The following MBOAT2 variants were observed in gnomAD, a reference collection of about 807,000 sequenced individuals.
MBOAT2 encodes membrane-bound glycerophospholipid O-acyltransferase 2.
MBOAT2 carries 28 observed loss-of-function variants against 63.4 expected under a neutral mutation model. The observed-to-expected ratio is 0.44, with a 90% CI of 0.33 to 0.61. MBOAT2 has a LOEUF of 0.61. Among genes scored for constraint, MBOAT2 ranks in the 20% least tolerant of loss-of-function variants. The probability of loss-of-function intolerance (pLI) is 0.03; values close to 1 mark genes in which losing one functional copy is unlikely to be tolerated. For missense variants in MBOAT2, 470 were observed against 605.8 expected (o/e 0.78, Z 2.35); for synonymous variants, 211 against 215.6 (o/e 0.98, Z 0.19).
intron 12 of MBOAT2, among the ~76,000 whole-genome samples, 160 bp downstream of exon 12, chr2:8,860,453 G>A (rs1327830614): frequency 1.3e-5 from 2 of 152,164 alleles, no homozygotes; most frequent in Non-Finnish European, 2.9e-5. Context: ...ACAGAGAAAC[G>A]CTGAGACTTG....
chr2:9,003,594 C>T lies in MBOAT2; in HGVS notation c.21G>A (p.Thr7=). ...TGAGGGGCTGCAGCAGGGTGGAGCCCGTGGTGCTGGTGGTGGCCATGGCCG... is the reference window on the plus strand; with the variant it reads ...TGAGGGGCTGCAGCAGGGTGGAGCCTGTGGTGCTGGTGGTGGCCATGGCCG... MATTST[T]GSTLLQPLSN... The change falls in exon 1 of 13, where the codon ACG becomes ACA. Residue 7 remains threonine, a synonymous_variant. Transcript: ENST00000305997. This position sits in a 1 kb window ranked among gnomAD's most constrained non-coding sequence, Gnocchi z 5.4. 2 of 1,220,012 alleles carry T rather than the reference C, an allele frequency of 1.6e-6. No homozygotes were observed. The highest frequency in any genetic ancestry group is 3.8e-5 in the East Asian group (1 of 26,224). 75.6% of individuals were successfully genotyped at this position (1,220,012 alleles called of 1,614,324 possible).
chr2:8,987,467 T>A (rs1465869382), intron 1 of MBOAT2, among the ~76,000 whole-genome samples: 3 of 152,224 alleles, frequency 2.0e-5, no homozygotes, highest in Non-Finnish European at 1.5e-5. Flanking sequence ...TAAAATTTTT[T>A]AAAAATATAT....
At chr2:8,978,735 C>A (rs552630437) in intron 1 of MBOAT2, among the ~76,000 whole-genome samples, 1 of 151,982 alleles carries the variant, frequency 6.6e-6, no homozygotes, top group South Asian at 2.1e-4. Flanking sequence ...ACCTAAATGA[C>A]GGGTTGACAG....
intron 1 of MBOAT2, among the ~76,000 whole-genome samples, chr2:8,995,813 G>T (rs538720285): frequency 6.6e-6 from 1 of 152,106 alleles, no homozygotes. Context: ...GAATGGTCTC[G>T]ATCTCCTGAC....
intron 2 of MBOAT2, among the ~76,000 whole-genome samples, chr2:8,944,063 C>T (rs1419554280): frequency 6.6e-6 from 1 of 152,280 alleles, no homozygotes; most frequent in East Asian, 1.9e-4. Flanking sequence ...CAGGGTTTCA[C>T]TATGTTGGCC....
intron 6 of MBOAT2, 38 bp from the exon 7 acceptor site, chr2:8,877,251 T>G: frequency 6.3e-7 from 1 of 1,576,444 alleles, no homozygotes; most frequent in Non-Finnish European, 8.6e-7. Context: ...AGATGCAGCA[T>G]AAGCTTCAGA....
chr2:8,892,071 A>AG (rs542968032), intron 4 of MBOAT2, among the ~76,000 whole-genome samples: 2 of 152,200 alleles, frequency 1.3e-5, no homozygotes, highest in Non-Finnish European at 2.9e-5. Flanking sequence ...CAAGAATAGT[A>AG]GGATTTGGTT....
Position 8,994,988 on chromosome 2 carries a change from T to A in MBOAT2, c.75+8552A>T, listed in dbSNP as rs113786514. 5.0e-3 allele frequency among the ~76,000 whole-genome samples: 757 copies of A among 152,338 alleles called. 9 individuals carry two copies. Among genetic ancestry groups the A allele is most frequent in the South Asian group, 0.02 (97 of 4,830 alleles). On this transcript the variant is annotated intron_variant, in intron 1 of 12. Transcript: ENST00000305997. ...AGGATTTAAATTCCAGCTCGCCACATACGTTGCTCTAAGCAATTTACTCGG... is the reference window on the plus strand; with the variant it reads ...AGGATTTAAATTCCAGCTCGCCACAAACGTTGCTCTAAGCAATTTACTCGG...
At chr2:8,950,949 T>C (rs1449796387) in intron 2 of MBOAT2, among the ~76,000 whole-genome samples, 4 of 152,228 alleles carry the variant, frequency 2.6e-5, no homozygotes, top group African/African-American at 9.6e-5. Flanking sequence ...TTGATTTGTA[T>C]ATGTTGAACC....
At chr2:8,968,688 C>T (rs1670200246) in intron 1 of MBOAT2, among the ~76,000 whole-genome samples, 1 of 152,106 alleles carries the variant, frequency 6.6e-6, no homozygotes, top group East Asian at 1.9e-4. Context: ...CCTTAAATGA[C>T]CTGATGTAGC....
chr2:8,995,798 A>G (rs556642498), intron 1 of MBOAT2, among the ~76,000 whole-genome samples: 10 of 152,214 alleles, frequency 6.6e-5, no homozygotes, highest in Non-Finnish European at 1.5e-4. Context: ...TCACCGTGTT[A>G]GCCAGAATGG....
chr2:8,967,614 A>G (rs1558665362), intron 1 of MBOAT2, among the ~76,000 whole-genome samples: 1 of 152,242 alleles, frequency 6.6e-6, no homozygotes, highest in African/African-American at 2.4e-5. Flanking sequence ...TAAACATGTG[A>G]GATAGCCAGA....
chr2:8,983,932 C>G (rs1302446052), intron 1 of MBOAT2, among the ~76,000 whole-genome samples: 1 of 152,106 alleles, frequency 6.6e-6, no homozygotes, highest in Non-Finnish European at 1.5e-5. Flanking sequence ...TACAATCAAT[C>G]TCAGCATACA....
chr2:8,858,966 C>T (rs1661306260), intron 12 of MBOAT2, 62 bp from the exon 13 acceptor site: 2 of 1,235,056 alleles, frequency 1.6e-6, no homozygotes, highest in Admixed American at 4.2e-5. Flanking sequence ...AATAACTGCA[C>T]ACTTGTCAAA....
Position 8,853,056 on chromosome 2 carries a change from T to C in MBOAT2, c.*5623A>G, listed in dbSNP as rs1019387366. On this transcript the variant is annotated 3_prime_UTR_variant, in exon 13 of 13. Transcript: ENST00000305997. Reference sequence around the variant, plus strand: ...GCTGCTGGAGTTGGGTCTCTCCTCATGTTTGGGCGACTGAGGGCTCAACTA... The same window carrying C: ...GCTGCTGGAGTTGGGTCTCTCCTCACGTTTGGGCGACTGAGGGCTCAACTA... 6.6e-6 allele frequency: 1 copy of C among 152,228 alleles called. No individual in the cohort carries two copies. The highest frequency in any genetic ancestry group is 2.4e-5 in the African/African-American group (1 of 41,458). 9.4% of individuals were successfully genotyped at this position (152,228 alleles called of 1,614,324 possible). A position where few individuals can be genotyped will look rare whatever the true frequency, so the allele number is the denominator to read the frequency against.
In MBOAT2 at chr2:8,877,577, C is replaced by T. The variant is rs138598443; in HGVS notation, c.507-364G>A. On this transcript the variant is annotated intron_variant, in intron 6 of 12. Transcript: ENST00000305997. Reference sequence around the variant, plus strand: ...CCCCACCTGCTGCAGGGCCTGGATACGGCAGTAAACAAAGGAGAGGACAAT... The same window carrying T: ...CCCCACCTGCTGCAGGGCCTGGATATGGCAGTAAACAAAGGAGAGGACAAT... Among the ~76,000 whole-genome samples the T allele has an allele frequency of 4.9e-3, 752 of 152,288 alleles. 3 individuals are homozygous for T. Among genetic ancestry groups the T allele is most frequent in the Non-Finnish European group, 9.1e-3 (617 of 68,036 alleles).
At chr2:8,887,991 A>C in intron 5 of MBOAT2, 27 bp downstream of exon 5, 1 of 1,596,526 alleles carries the variant, frequency 6.3e-7, no homozygotes, top group Non-Finnish European at 8.6e-7. Flanking sequence ...TTTTTTCAGC[A>C]ATAAAAATTA....
chr2:8,948,287 T>G (rs1668563739), intron 2 of MBOAT2, among the ~76,000 whole-genome samples: 1 of 152,118 alleles, frequency 6.6e-6, no homozygotes, highest in South Asian at 2.1e-4. Context: ...TCAGATGGAG[T>G]CTACTCCTGG....
intron 4 of MBOAT2, among the ~76,000 whole-genome samples, chr2:8,903,015 T>G (rs1558595701): frequency 6.6e-6 from 1 of 152,166 alleles, no homozygotes; most frequent in Non-Finnish European, 1.5e-5. Context: ...ATTGGTGCGT[T>G]TACAATCCTT....
Sources: gnomAD v4.1 joint callset for allele counts (sites outside exome capture counted in the v4.1 genomes callset) on GRCh38, gnomAD v4.1.1 for gene constraint, Gnocchi (gnomAD v3.1) non-coding constraint, MANE v1.5 for transcripts, NCBI Gene and HGNC (gene_info 2026-07-23, HGNC 2026-07-21) for gene names.